INPP5D: variants seen among roughly 807,000 people sequenced by gnomAD.
The protein encoded by INPP5D is phosphatidylinositol 3,4,5-trisphosphate 5-phosphatase 1.
Under a neutral mutation model 122.9 loss-of-function variants are expected in INPP5D, and 33 were observed. The observed-to-expected ratio is 0.27, with a 90% CI of 0.20 to 0.36. INPP5D has a LOEUF of 0.36. INPP5D is among the 10% of genes least tolerant of loss of function. INPP5D has a pLI of 1.00. For missense variants in INPP5D, 1,053 were observed against 1,412.7 expected, an observed-to-expected ratio of 0.75 and a Z score of 4.08; for synonymous variants, 584 against 576.2, an observed-to-expected ratio of 1.01 and a Z score of -0.19.
At chr2:233,075,392 C>G (rs776749764) in intron 1 of INPP5D, among the ~76,000 whole-genome samples, 1 of 152,204 alleles carries the variant, frequency 6.6e-6, no homozygotes, top group Non-Finnish European at 1.5e-5. Context: ...TGGGCGGGAC[C>G]CACTGCCCCT....
At chr2:233,107,732 G>A (rs1008800205) in intron 2 of INPP5D, among the ~76,000 whole-genome samples, 3 of 152,132 alleles carry the variant, frequency 2.0e-5, no homozygotes, top group Admixed American at 2.0e-4. Flanking sequence ...TTACAACCTG[G>A]TGCTTGCCGG....
intron 17 of INPP5D, among the ~76,000 whole-genome samples, chr2:233,174,607 C>T (rs1165694368): frequency 1.3e-5 from 2 of 152,130 alleles, no homozygotes; most frequent in Non-Finnish European, 2.9e-5. Context: ...GCCTGGCCAA[C>T]ATGGCGAAAC....
intron 10 of INPP5D, among the ~76,000 whole-genome samples, chr2:233,159,913 C>G (rs1386285197): frequency 6.6e-6 from 1 of 151,996 alleles, no homozygotes; most frequent in African/African-American, 2.4e-5. Context: ...GTGTCCAGAG[C>G]TGTCAGGAAT....
chr2:233,175,928 C>T (rs558596083), intron 17 of INPP5D, among the ~76,000 whole-genome samples: 45 of 152,124 alleles, frequency 3.0e-4, no homozygotes, highest in African/African-American at 1.0e-3. Flanking sequence ...GTGATCCACC[C>T]GCCTTGGCCT....
chr2:233,114,130 G>C (rs1000237081), intron 2 of INPP5D, among the ~76,000 whole-genome samples: 2 of 152,088 alleles, frequency 1.3e-5, no homozygotes, highest in East Asian at 3.9e-4. Context: ...GGATGGTCTC[G>C]ATCTCCTGAC....
intron 5 of INPP5D, among the ~76,000 whole-genome samples, chr2:233,132,617 A>T (rs183846397): frequency 6.1e-4 from 93 of 152,326 alleles, no homozygotes; most frequent in Non-Finnish European, 7.4e-5. Flanking sequence ...GAACAAAATG[A>T]TGCTTCCCAT....
Position 233,197,967 on chromosome 2 carries a change from C to T in INPP5D, c.2694-128C>T. 1 of 1,336,684 alleles carries T rather than the reference C, an allele frequency of 7.5e-7. No homozygotes were observed. Among genetic ancestry groups the T allele is most frequent in the Non-Finnish European group, 9.8e-7 (1 of 1,016,554 alleles). 82.8% of individuals were successfully genotyped at this position (1,336,684 alleles called of 1,614,324 possible). On this transcript the variant is annotated intron_variant, in intron 24 of 26. Coordinates refer to ENST00000445964, the MANE Select transcript of INPP5D (RefSeq NM_001017915.3). This position sits in a 1 kb window ranked among gnomAD's most constrained non-coding sequence, Gnocchi z 4.4. ...ATGAATGAATGAATGGATCACTGCC[C>T]AAGAGGTGAAGGAGTTGAGGAGAGC...
At chr2:233,125,108 TCTC>T (rs1559305665) in intron 3 of INPP5D, among the ~76,000 whole-genome samples, 2 of 152,132 alleles carry the variant, frequency 1.3e-5, no homozygotes, top group South Asian at 2.1e-4. Flanking sequence ...GAATGAACCT[TCTC>T]CTAAAGGCGA....
At chr2:233,066,996 C>T (rs4566354) in intron 1 of INPP5D, among the ~76,000 whole-genome samples, 136,207 of 152,204 alleles carry the variant, frequency 0.89, 61,064 homozygotes, top group East Asian at 0.98. Context: ...TAGGCTGGTC[C>T]CGAACTCCTG....
chr2:233,179,189 C>G (rs984982688), intron 18 of INPP5D, among the ~76,000 whole-genome samples: 9 of 152,186 alleles, frequency 5.9e-5, no homozygotes, highest in Admixed American at 2.6e-4. Flanking sequence ...TTCCAGCTTC[C>G]AAAGCTCAAA....
rs182258080 is a variant in INPP5D at position 233,174,223 on chromosome 2, T to C, written c.1990-3042T>C. Among the ~76,000 whole-genome samples the C allele has an allele frequency of 1.5e-3, 233 of 152,396 alleles. 2 individuals are homozygous for C. The East Asian group carries it at 0.025, about 16-fold the overall frequency. ...GACAGTTGTTTATCATTATCAAATA[T>C]TATGTACTGAACAGAATTGTACTGT... On this transcript the variant is annotated intron_variant, in intron 17 of 26. Transcript: ENST00000445964.
rs1691714015 is a variant in INPP5D at position 233,082,328 on chromosome 2, T to C, written c.198+2930T>C. Among the ~76,000 whole-genome samples, 1 of 152,150 alleles carries C rather than the reference T, an allele frequency of 6.6e-6. No individual in the cohort carries two copies. The highest frequency in any genetic ancestry group is 2.4e-5 in the African/African-American group (1 of 41,436). On this transcript the variant is annotated intron_variant, in intron 2 of 26. Coordinates refer to ENST00000445964, the MANE Select transcript of INPP5D (RefSeq NM_001017915.3). This position sits in a 1 kb window ranked among gnomAD's most constrained non-coding sequence, Gnocchi z 4.7. ...GACTCAGAGCCCTTCGGGGAAGCTT[T>C]AGCAGTTATTGATCTCTGCCTATTT...
chr2:233,167,373 G>GA (rs112368312), intron 13 of INPP5D, among the ~76,000 whole-genome samples: 3,197 of 150,512 alleles, frequency 0.021, 75 homozygotes, highest in East Asian at 0.12. Flanking sequence ...TCTCAAATTA[G>GA]AAAAAAAAAT....
intron 5 of INPP5D, among the ~76,000 whole-genome samples, chr2:233,135,774 C>A (rs1409670230): frequency 6.6e-6 from 1 of 151,896 alleles, no homozygotes; most frequent in Non-Finnish European, 1.5e-5. Flanking sequence ...TCAGAAAGTT[C>A]CTAAAAATGT....
Position 233,060,566 on chromosome 2 carries a change from G to A in INPP5D, c.88G>A (p.Val30Met). 1 of 1,614,028 alleles carries A rather than the reference G, an allele frequency of 6.2e-7. No individual in the cohort carries two copies. The highest frequency in any genetic ancestry group is 8.5e-7 in the Non-Finnish European group (1 of 1,179,884). ...GACAGGCAAGGACGGGAGCTTCCTC[G>A]TGCGTGCCAGCGAGTCCATCTCCCG... The part of the protein sequence containing the change: ...SRTGKDGSFL[V>M]RASESISRAY... Residue 30 changes from valine to methionine, a missense_variant, in exon 1 of 27, where the codon GTG becomes ATG. Physicochemically the swap from Val to Met is conservative, Grantham distance 21. This residue lies in a region of INPP5D where 74 missense variants were observed against 146.6 expected (regional missense o/e 0.50). Coordinates refer to ENST00000445964, the MANE Select transcript of INPP5D (RefSeq NM_001017915.3).
intron 9 of INPP5D, among the ~76,000 whole-genome samples, chr2:233,151,323 TAATAATAAC>T (rs200938120): frequency 0.51 from 76,846 of 151,286 alleles, 20,140 homozygotes; most frequent in East Asian, 0.66. Context: ...TTAATAATAA[TAATAATAAC>T]AATAATAGGC....
chr2:233,180,310 T>C, intron 18 of INPP5D, among the ~76,000 whole-genome samples: 1 of 151,930 alleles, frequency 6.6e-6, no homozygotes, highest in East Asian at 1.9e-4. Context: ...GGGCACACTG[T>C]AGTGCCATTG....
At chr2:233,144,690 G>A (rs1693710938) in intron 6 of INPP5D, among the ~76,000 whole-genome samples, 2 of 118,084 alleles carry the variant, frequency 1.7e-5, no homozygotes, top group East Asian at 4.6e-4. Flanking sequence ...TGGTGAGGGT[G>A]GAGGTGGTAG....
intron 1 of INPP5D, among the ~76,000 whole-genome samples, chr2:233,068,568 C>G (rs561011121): frequency 6.6e-6 from 1 of 152,202 alleles, no homozygotes; most frequent in African/African-American, 2.4e-5. Flanking sequence ...GCACTCCAGC[C>G]TGGGCGACAG....
Sources: allele counts gnomAD v4.1 joint callset (sites outside exome capture counted in the v4.1 genomes callset), GRCh38; gene constraint gnomAD v4.1.1; regional missense constraint gnomAD v4.1.1; non-coding constraint Gnocchi (gnomAD v3.1); transcripts MANE v1.5; gene names NCBI Gene and HGNC (gene_info 2026-07-23, HGNC 2026-07-21).